The following TMEM178B variants were observed in gnomAD, a reference collection of about 807,000 sequenced individuals.
The protein encoded by TMEM178B is transmembrane protein 178B.
TMEM178B carries 5 observed loss-of-function variants against 31.0 expected under a neutral mutation model. The ratio of observed to expected loss-of-function variants is 0.16; its 90% confidence interval spans 0.08 to 0.34. The LOEUF is 0.34. TMEM178B is among the 10% of genes least tolerant of loss of function. The pLI, the probability that TMEM178B is intolerant of heterozygous loss-of-function variation, is 1.00. For synonymous variants in TMEM178B, 164 were observed against 164.0 expected (o/e 1.00, Z 0.00); for missense variants, 275 against 400.3 (o/e 0.69, Z 2.67).
intron 2 of TMEM178B, among the ~76,000 whole-genome samples, chr7:141,413,495 G>C (rs1051112255): frequency 2.9e-4 from 44 of 152,228 alleles, no homozygotes; most frequent in Non-Finnish European, 6.0e-4. Context: ...ATCATGGACA[G>C]AGATGTTAAA....
At chr7:141,216,944 C>T (rs1000246421) in intron 2 of TMEM178B, among the ~76,000 whole-genome samples, 3 of 152,126 alleles carry the variant, frequency 2.0e-5, no homozygotes, top group Non-Finnish European at 4.4e-5. Flanking sequence ...CTCCAGGACA[C>T]AGCGGGACAG....
chr7:141,419,553 T>G (rs1207076063), intron 2 of TMEM178B, among the ~76,000 whole-genome samples: 2 of 152,214 alleles, frequency 1.3e-5, no homozygotes, highest in Admixed American at 1.3e-4. Context: ...AACTCTACTC[T>G]GCAGCCATGG....
At chr7:141,174,151 C>G (rs1431236789) in intron 1 of TMEM178B, among the ~76,000 whole-genome samples, 4 of 152,110 alleles carry the variant, frequency 2.6e-5, no homozygotes, top group African/African-American at 4.8e-5. Flanking sequence ...TGTGACGTTC[C>G]CCTCCCTGTG....
chr7:141,438,227 T>G (rs1586960600), intron 3 of TMEM178B, among the ~76,000 whole-genome samples: 1 of 151,722 alleles, frequency 6.6e-6, no homozygotes, highest in African/African-American at 2.4e-5. Flanking sequence ...AAGGCGGGGG[T>G]GGGGCAGGAC....
In TMEM178B at chr7:141,422,555, A is replaced by G. The variant is rs1801231256; in HGVS notation, c.497-15053A>G. Among the ~76,000 whole-genome samples the G allele has an allele frequency of 6.6e-6, 1 of 152,198 alleles. No homozygotes were observed. The highest frequency in any genetic ancestry group is 2.4e-5 in the African/African-American group (1 of 41,454). ...GAAACCACTGGATCCTTCCTCACAC[A>G]GAGCCTGTGTTGGCTCTGTTGCCAG... On this transcript the variant is annotated intron_variant, in intron 2 of 3. Transcript: ENST00000565468. This position sits in a 1 kb window ranked among gnomAD's most constrained non-coding sequence, Gnocchi z 4.2.
At chr7:141,383,218 TC>T (rs1800358024) in intron 2 of TMEM178B, among the ~76,000 whole-genome samples, 1 of 150,092 alleles carries the variant, frequency 6.7e-6, no homozygotes, top group Non-Finnish European at 1.5e-5. Flanking sequence ...GTAAGATAAT[TC>T]TTTTTTTTTT....
At chr7:141,326,509 C>A (rs931984306) in intron 2 of TMEM178B, among the ~76,000 whole-genome samples, 1 of 152,114 alleles carries the variant, frequency 6.6e-6, no homozygotes, top group Non-Finnish European at 1.5e-5. Context: ...GTAGATGCCT[C>A]ACAGTAATTA....
intron 2 of TMEM178B, among the ~76,000 whole-genome samples, chr7:141,369,442 CT>C: frequency 6.6e-6 from 1 of 151,996 alleles, no homozygotes; most frequent in African/African-American, 2.4e-5. Flanking sequence ...TTGGCTCTGC[CT>C]TTCTCTCAAA....
chr7:141,248,395 G>A (rs562147497), intron 2 of TMEM178B, among the ~76,000 whole-genome samples: 1 of 152,276 alleles, frequency 6.6e-6, no homozygotes, highest in African/African-American at 2.4e-5. Flanking sequence ...TAGCAAATAA[G>A]TGTATCGGAT....
intron 2 of TMEM178B, among the ~76,000 whole-genome samples, chr7:141,389,480 AAAAG>A (rs1478494600): frequency 1.3e-5 from 2 of 152,226 alleles, no homozygotes; most frequent in Non-Finnish European, 2.9e-5. Context: ...ATAGTATAGT[AAAAG>A]AAAGAGCAGT....
At chr7:141,207,269 A>C (rs1363354611) in intron 1 of TMEM178B, among the ~76,000 whole-genome samples, 1 of 152,226 alleles carries the variant, frequency 6.6e-6, no homozygotes, top group African/African-American at 2.4e-5. Flanking sequence ...ATGGGAGTGC[A>C]GATATCTCTT....
In TMEM178B at chr7:141,478,768, T is replaced by C. The variant is rs546132478; in HGVS notation, c.*7982T>C. 2 of 152,256 alleles carry C rather than the reference T, an allele frequency of 1.3e-5. No homozygotes were observed. The highest frequency in any genetic ancestry group is 3.9e-4 in the East Asian group (2 of 5,184). The allele number at this position is 152,256 out of a possible 1,614,324, so 9.4% of individuals were successfully genotyped here. Reference sequence around the variant, plus strand: ...GTCTGGCCCAGCCCTATTTCCAGTGTTCAATAGCCACACCTGACTACTGGT... The same window carrying C: ...GTCTGGCCCAGCCCTATTTCCAGTGCTCAATAGCCACACCTGACTACTGGT... On this transcript the variant is annotated 3_prime_UTR_variant, in exon 4 of 4. Transcript: ENST00000565468.
the TMEM178B span, among the ~76,000 whole-genome samples, chr7:141,507,823 G>C: frequency 6.6e-6 from 1 of 152,206 alleles, no homozygotes; most frequent in Admixed American, 6.5e-5. Flanking sequence ...AGGGCACCAA[G>C]TCCCTAGGTT....
rs896981891 is a variant in TMEM178B, at chr7:141,477,952, T to C, written c.*7166T>C. ...TTTGACGATCTCATTTTACTATCAG[T>C]CTCTACTGACTGAGCTTTGCTGCAC... On this transcript the variant is annotated 3_prime_UTR_variant, in exon 4 of 4. Transcript: ENST00000565468. The C allele has an allele frequency of 6.6e-6, 1 of 152,320 alleles. No homozygotes were observed. Among genetic ancestry groups the C allele is most frequent in the African/African-American group, 2.4e-5 (1 of 41,450 alleles). The allele number at this position is 152,320 out of a possible 1,614,324, so 9.4% of individuals were successfully genotyped here.
chr7:141,434,029 C>G (rs1267261177), intron 2 of TMEM178B, among the ~76,000 whole-genome samples: 1 of 152,204 alleles, frequency 6.6e-6, no homozygotes, highest in East Asian at 1.9e-4. Flanking sequence ...ACAGCCCCTC[C>G]CCGACCTGGA....
intron 1 of TMEM178B, among the ~76,000 whole-genome samples, chr7:141,083,492 A>G (rs1794723751): frequency 7.9e-6 from 1 of 126,422 alleles, no homozygotes; most frequent in Admixed American, 9.5e-5. Flanking sequence ...GAAGGGAGGG[A>G]GAGAGAGAGA....
intron 2 of TMEM178B, among the ~76,000 whole-genome samples, chr7:141,338,525 T>TG (rs746352501): frequency 2.0e-5 from 3 of 152,124 alleles, no homozygotes; most frequent in Non-Finnish European, 2.9e-5. Flanking sequence ...TGGATGGGGA[T>TG]GGGAGAAAGG....
chr7:141,362,514 TA>T (rs557506086), intron 2 of TMEM178B, among the ~76,000 whole-genome samples: 51 of 150,410 alleles, frequency 3.4e-4, no homozygotes, highest in African/African-American at 1.1e-3. Flanking sequence ...CTTTTTTTTT[TA>T]AAAAAAAGAC....
chr7:141,446,718 G>C (rs1290256905), intron 3 of TMEM178B, among the ~76,000 whole-genome samples: 1 of 152,064 alleles, frequency 6.6e-6, no homozygotes, highest in Non-Finnish European at 1.5e-5. Flanking sequence ...TTCATGCCTT[G>C]CTTCAATTTT....
Sources: gnomAD v4.1 joint callset for allele counts (sites outside exome capture counted in the v4.1 genomes callset) on GRCh38, gnomAD v4.1.1 for gene constraint, Gnocchi (gnomAD v3.1) non-coding constraint, MANE v1.5 for transcripts, NCBI Gene and HGNC (gene_info 2026-07-23, HGNC 2026-07-21) for gene names.